ZNF541: variants seen among roughly 807,000 people sequenced by gnomAD.
The protein encoded by ZNF541 is zinc finger protein 541.
Under a neutral mutation model 123.5 loss-of-function variants are expected in ZNF541, and 23 were observed. The ratio of observed to expected loss-of-function variants is 0.19; its 90% confidence interval spans 0.13 to 0.26. ZNF541 has a LOEUF of 0.26. Among genes scored for constraint, ZNF541 ranks in the 10% least tolerant of loss-of-function variants. The probability of loss-of-function intolerance (pLI) is 1.00; values close to 1 mark genes in which losing one functional copy is unlikely to be tolerated. For missense variants in ZNF541, 1,612 were observed against 1,789.9 expected (o/e 0.90, Z 1.79); for synonymous variants, 751 against 754.5 (o/e 1.00, Z 0.08).
intron 12 of ZNF541, among the ~76,000 whole-genome samples, chr19:47,529,998 C>G (rs1969488294): frequency 6.6e-6 from 1 of 152,100 alleles, no homozygotes; most frequent in Non-Finnish European, 1.5e-5. Context: ...TTTTTATTTT[C>G]TTCATAGCAC....
chr19:47,561,114 T>A (rs1297464484), intron 2 of ZNF541, among the ~76,000 whole-genome samples: 3 of 152,180 alleles, frequency 2.0e-5, no homozygotes, highest in African/African-American at 7.2e-5. Context: ...CTATTTTGCA[T>A]GATAATCTAA....
Position 47,540,262 on chromosome 19 carries a change from T to G in ZNF541, c.2536A>C (p.Met846Leu). Residue 846 changes from methionine to leucine, a missense_variant, in exon 7 of 17, where the codon ATG (methionine) becomes CTG (leucine). Coordinates refer to ENST00000391901, the MANE Select transcript of ZNF541 (RefSeq NM_001277075.3). ...STFVCKNCSQ[M>L]FYTEKGLSSH... ...CTCAGCCCTTTCTCCGTATAAAACA[T>G]CTGGCTGCAGTTCTTGCAGACAAAA... The G allele has an allele frequency of 6.4e-7, 1 of 1,551,874 alleles. No individual in the cohort carries two copies. Among genetic ancestry groups the G allele is most frequent in the Non-Finnish European group, 8.7e-7 (1 of 1,147,018 alleles).
chr19:47,567,739 A>T (rs2123420677), intron 2 of ZNF541, among the ~76,000 whole-genome samples: 1 of 152,302 alleles, frequency 6.6e-6, no homozygotes, highest in East Asian at 1.9e-4. Flanking sequence ...GGAGGTGAGA[A>T]GCCCCCACCA....
chr19:47,545,146 C>G lies in ZNF541; in HGVS notation c.1383G>C (p.Pro461=). 1.3e-6 allele frequency: 2 copies of G among 1,487,590 alleles called. No homozygotes were observed. The highest frequency in any genetic ancestry group is 8.9e-7 in the Non-Finnish European group (1 of 1,119,058). 92.1% of individuals were successfully genotyped at this position (1,487,590 alleles called of 1,614,324 possible). A position where few individuals can be genotyped will look rare whatever the true frequency, so the allele number is the denominator to read the frequency against. The change falls in exon 5 of 17, where the codon CCG becomes CCC. Residue 461 remains proline, a synonymous_variant. Transcript: ENST00000391901. This position sits in a 1 kb window ranked among gnomAD's most constrained non-coding sequence, Gnocchi z 7.5. ...CCTCCAGGCCACCGCCGGGGCCGGG[C>G]GGGGACTCCTCCGAGGGGCTTCCGC... The part of the protein sequence containing the change: ...PSSGSPSEES[P]PGPGGGLEDA...
chr19:47,534,576 T>C (rs988806294), intron 9 of ZNF541, among the ~76,000 whole-genome samples: 8 of 151,586 alleles, frequency 5.3e-5, no homozygotes, highest in East Asian at 3.9e-4. Flanking sequence ...ACTTGGGAGT[T>C]AGAGGCTGCA....
intron 2 of ZNF541, among the ~76,000 whole-genome samples, chr19:47,560,393 C>A (rs1351186104): frequency 6.6e-6 from 1 of 151,804 alleles, no homozygotes; most frequent in East Asian, 1.9e-4. Flanking sequence ...CTGGCCAACA[C>A]GGTGAAACTC....
In ZNF541 at chr19:47,521,953, G is replaced by A. The variant is rs1434259062; in HGVS notation, c.3612C>T (p.Tyr1204=). 6.4e-7 allele frequency: 1 copy of A among 1,551,870 alleles called. No individual in the cohort carries two copies. The highest frequency in any genetic ancestry group is 1.2e-5 in the South Asian group (1 of 84,064). The change falls in exon 15 of 17, where the codon TAC becomes TAT. Residue 1204 remains tyrosine (Y), a synonymous_variant. Coordinates refer to ENST00000391901, the MANE Select transcript of ZNF541 (RefSeq NM_001277075.3). The surrounding 1 kb of genome is among the most constrained non-coding windows in gnomAD (Gnocchi z 4.2). The part of the protein sequence containing the change: ...KTVAQCVEYY[Y]IWKKMIKFDC... ...CAAACTTGATCATTTTTTTCCAGAT[G>A]TAATAATACTCAACGCACTGAGCTA...
chr19:47,526,663 G>C (rs893585930), intron 14 of ZNF541, among the ~76,000 whole-genome samples: 2 of 152,108 alleles, frequency 1.3e-5, no homozygotes, highest in Non-Finnish European at 2.9e-5. Flanking sequence ...AGAATGGCTG[G>C]AATTAAAAGG....
At position 47,521,824 on chromosome 19, in the gene ZNF541, G is replaced by C; in HGVS notation, c.3711+30C>G. The C allele has an allele frequency of 1.3e-6, 2 of 1,546,264 alleles. No individual in the cohort carries two copies. The highest frequency in any genetic ancestry group is 8.7e-7 in the Non-Finnish European group (1 of 1,143,572). On this transcript the variant is annotated intron_variant, in intron 15 of 16. Coordinates refer to ENST00000391901, the MANE Select transcript of ZNF541 (RefSeq NM_001277075.3). This position sits in a 1 kb window ranked among gnomAD's most constrained non-coding sequence, Gnocchi z 4.2. ...GGTAGCAGGCACTGGGAGGAGAGAA[G>C]AGCTCCCGACACAGCCCTGGTTCCT...
At chr19:47,541,676 G>A (rs149251851) in intron 5 of ZNF541, among the ~76,000 whole-genome samples, 8 of 152,256 alleles carry the variant, frequency 5.3e-5, no homozygotes, top group East Asian at 1.9e-4. Flanking sequence ...CAGCAGCCAC[G>A]GGGAAATACA....
At position 47,572,416 on chromosome 19, in the gene ZNF541, A is replaced by T. The variant is rs1033359689; in HGVS notation, c.-245-374T>A. Among the ~76,000 whole-genome samples, 21 of 152,186 alleles carry T rather than the reference A, an allele frequency of 1.4e-4. 1 individual carries two copies. Among genetic ancestry groups the T allele is most frequent in the Non-Finnish European group, 2.2e-4 (15 of 68,044 alleles). On this transcript the variant is annotated intron_variant, in intron 1 of 16. Coordinates refer to ENST00000391901, the MANE Select transcript of ZNF541 (RefSeq NM_001277075.3). ...GGTTTGTTCTAAGCGAAGATATTCC[A>T]AAAAGGGGCACTCTAGGTGTGAAGA...
rs1969007382 is a variant in ZNF541 at position 47,521,194 on chromosome 19, A to G, written c.*30T>C. On this transcript the variant is annotated 3_prime_UTR_variant, in exon 17 of 17. Transcript: ENST00000391901. This position sits in a 1 kb window ranked among gnomAD's most constrained non-coding sequence, Gnocchi z 4.2. Reference sequence around the variant, plus strand: ...CCGAAGGGAGGAGGGGCAGCACTGGAGGCCCCATTCGGACTTGCTGCCACG... The same window carrying G: ...CCGAAGGGAGGAGGGGCAGCACTGGGGGCCCCATTCGGACTTGCTGCCACG... 5.2e-6 allele frequency: 8 copies of G among 1,546,892 alleles called. No homozygotes were observed. The highest frequency in any genetic ancestry group is 7.0e-6 in the Non-Finnish European group (8 of 1,144,314).
intron 12 of ZNF541, among the ~76,000 whole-genome samples, chr19:47,530,887 G>C (rs908184781): frequency 2.6e-5 from 4 of 151,998 alleles, no homozygotes; most frequent in African/African-American, 9.7e-5. Context: ...CTGAGCTCAG[G>C]TGATCCACCC....
Position 47,521,638 on chromosome 19 carries a change from C to G in ZNF541, c.3728G>C (p.Arg1243Pro). Reference sequence around the variant, plus strand: ...AGTTGGATGGTGGCTGGGTCTCTCCCGAGGGCTGCATGGGACCTGCAGAGG... The same window carrying G: ...AGTTGGATGGTGGCTGGGTCTCTCCGGAGGGCTGCATGGGACCTGCAGAGG... ...RTEEKVPCSP[R>P]ERPSHHPTPK... is the part of the protein sequence containing the mutation. The change falls in exon 16 of 17, where the codon CGG (arginine) becomes CCG (proline). Residue 1243 changes from arginine (R) to proline (P), a missense_variant. By Grantham distance (103) the Arg-to-Pro change is moderately radical (BLOSUM62 -2). This residue lies in a region of ZNF541 where 285 missense variants were observed against 407.3 expected (regional missense o/e 0.70). Coordinates refer to ENST00000391901, the MANE Select transcript of ZNF541 (RefSeq NM_001277075.3). The surrounding 1 kb of genome is among the most constrained non-coding windows in gnomAD (Gnocchi z 4.2). 4 of 1,551,646 alleles carry G rather than the reference C, an allele frequency of 2.6e-6. No individual in the cohort carries two copies. The highest frequency in any genetic ancestry group is 3.5e-6 in the Non-Finnish European group (4 of 1,146,946).
intron 14 of ZNF541, among the ~76,000 whole-genome samples, chr19:47,527,258 T>C (rs1178501123): frequency 6.6e-6 from 1 of 152,178 alleles, no homozygotes; most frequent in Non-Finnish European, 1.5e-5. Flanking sequence ...GTGGTGATGG[T>C]TTCCCAGGTA....
chr19:47,536,772 A>C (rs924602306), intron 9 of ZNF541, among the ~76,000 whole-genome samples: 6 of 152,276 alleles, frequency 3.9e-5, no homozygotes, highest in South Asian at 2.1e-4. Flanking sequence ...AAAAAACCCC[A>C]AAAATTTCTA....
At chr19:47,559,262 C>T (rs1044670661) in intron 2 of ZNF541, among the ~76,000 whole-genome samples, 2 of 151,878 alleles carry the variant, frequency 1.3e-5, no homozygotes, top group East Asian at 4.0e-4. Context: ...ATCTCAGCTA[C>T]TCAGGAGGCT....
chr19:47,546,893 T>G (rs1261120562), intron 4 of ZNF541, among the ~76,000 whole-genome samples: 1 of 152,170 alleles, frequency 6.6e-6, no homozygotes, highest in African/African-American at 2.4e-5. Flanking sequence ...CTAATTTTTG[T>G]ATTTTTAGTA....
At chr19:47,532,790 C>T (rs1376227506) in intron 10 of ZNF541, 119 bp downstream of exon 10, 2 of 825,810 alleles carry the variant, frequency 2.4e-6, no homozygotes, top group African/African-American at 1.8e-5. Flanking sequence ...CGCTTCACGC[C>T]TAGGGAGCCT....
Sources: allele counts gnomAD v4.1 joint callset (sites outside exome capture counted in the v4.1 genomes callset), GRCh38; gene constraint gnomAD v4.1.1; regional missense constraint gnomAD v4.1.1; non-coding constraint Gnocchi (gnomAD v3.1); transcripts MANE v1.5; gene names NCBI Gene and HGNC (gene_info 2026-07-23, HGNC 2026-07-21).